CEP164: variants seen among roughly 807,000 people sequenced by gnomAD.
CEP164 encodes centrosomal protein of 164 kDa.
CEP164 carries 162 observed loss-of-function variants against 182.7 expected under a neutral mutation model. That is an observed-to-expected ratio of 0.89 (90% confidence interval 0.78 to 1.01). The LOEUF (loss-of-function observed/expected upper bound fraction) is 1.01. Among genes scored for constraint, CEP164 ranks in the 50% least tolerant of loss-of-function variants. CEP164 has a pLI of 0.00. For synonymous variants in CEP164, 661 were observed against 690.0 expected (o/e 0.96, Z 0.66); for missense variants, 1,735 against 1,790.4 (o/e 0.97, Z 0.56).
chr11:117,378,681 T>C (rs556309770), intron 11 of CEP164, among the ~76,000 whole-genome samples: 2 of 152,338 alleles, frequency 1.3e-5, no homozygotes, highest in South Asian at 2.1e-4. Flanking sequence ...CTGGATCCTT[T>C]GCTTCCTTTT....
Position 117,381,728 on chromosome 11 carries a change from G to C in CEP164, c.1437G>C (p.Glu479Asp). Reference protein sequence around the residue: ...ERLSPPLPHEERAQSPPRSLA... With the variant: ...ERLSPPLPHEDRAQSPPRSLA... ...TATCTCCTCCACTTCCACACGAGGA[G>C]CGGGCCCAGAGTCCCCCTCGCAGCC... The change falls in exon 13 of 33, where the codon GAG (glutamate) becomes GAC (aspartate). Residue 479 changes from glutamate to aspartate, a missense_variant. By Grantham distance (45) the Glu-to-Asp change is conservative (BLOSUM62 2). Transcript: ENST00000278935. The C allele has an allele frequency of 1.2e-6, 2 of 1,610,374 alleles. No homozygotes were observed. Among genetic ancestry groups the C allele is most frequent in the Non-Finnish European group, 1.7e-6 (2 of 1,178,590 alleles).
At chr11:117,348,297 G>T (rs1169283008) in intron 4 of CEP164, among the ~76,000 whole-genome samples, 1 of 151,968 alleles carries the variant, frequency 6.6e-6, no homozygotes, top group Non-Finnish European at 1.5e-5. Context: ...TTAAAAAATT[G>T]TCAATTAAAA....
intron 20 of CEP164, 125 bp downstream of exon 20, chr11:117,393,251 G>T: frequency 7.1e-7 from 1 of 1,414,916 alleles, no homozygotes; most frequent in Non-Finnish European, 9.3e-7. Flanking sequence ...TTCCCACCTG[G>T]CTGTGGGGCA....
chr11:117,390,917 G>T lies in CEP164; in HGVS notation c.2066+9G>T, dbSNP rs374648188. The T allele has an allele frequency of 6.2e-7, 1 of 1,613,766 alleles. No homozygotes were observed. The highest frequency in any genetic ancestry group is 1.3e-5 in the African/African-American group (1 of 74,874). On this transcript the variant is annotated intron_variant, in intron 16 of 32. Transcript: ENST00000278935. ...GATGAGGACCAAATCAGGTAAGTGTGTGCTTACCTGTGAGCTGCCCAGCCC... is the reference window on the plus strand; with the variant it reads ...GATGAGGACCAAATCAGGTAAGTGTTTGCTTACCTGTGAGCTGCCCAGCCC...
chr11:117,374,869 G>T (rs1466785356), intron 10 of CEP164, among the ~76,000 whole-genome samples: 1 of 152,210 alleles, frequency 6.6e-6, no homozygotes, highest in Non-Finnish European at 1.5e-5. Flanking sequence ...CAGGGCTGAT[G>T]TGACAGAACT....
At chr11:117,339,874 T>G (rs1002338272) in intron 3 of CEP164, among the ~76,000 whole-genome samples, 2 of 152,054 alleles carry the variant, frequency 1.3e-5, no homozygotes, top group Non-Finnish European at 2.9e-5. Context: ...ATGAGTTAGG[T>G]ACTATTATTA....
chr11:117,377,523 G>C (rs914997748), intron 11 of CEP164, among the ~76,000 whole-genome samples: 3 of 152,138 alleles, frequency 2.0e-5, no homozygotes, highest in African/African-American at 7.2e-5. Context: ...TGGAGGGGTC[G>C]AGATGGGGAG....
chr11:117,351,733 T>G (rs1382709510), intron 4 of CEP164, 57 bp from the exon 5 acceptor site: 1 of 1,507,370 alleles, frequency 6.6e-7, no homozygotes, highest in Non-Finnish European at 9.0e-7. Flanking sequence ...CCCCTCTTTT[T>G]TTTTTCTTCT....
chr11:117,392,931 T>A, intron 19 of CEP164, 73 bp from the exon 20 acceptor site: 1 of 1,597,092 alleles, frequency 6.3e-7, no homozygotes, highest in Non-Finnish European at 8.5e-7. Context: ...GTGTAAGACC[T>A]TCAGGTGCAG....
At chr11:117,356,254 C>T (rs917389604) in intron 5 of CEP164, 1 of 1,101,450 alleles carries the variant, frequency 9.1e-7, no homozygotes, top group Non-Finnish European at 1.1e-6. Context: ...TCTACCAGCA[C>T]ATCCTGCAGA....
At chr11:117,331,893 C>G (rs560449980) in intron 1 of CEP164, among the ~76,000 whole-genome samples, 1 of 151,708 alleles carries the variant, frequency 6.6e-6, no homozygotes, top group Non-Finnish European at 1.5e-5. Context: ...CTTTATGTAA[C>G]TCTGTCTTCC....
intron 5 of CEP164, among the ~76,000 whole-genome samples, 155 bp downstream of exon 5, chr11:117,352,143 G>A (rs1378308973): frequency 2.6e-5 from 4 of 151,880 alleles, no homozygotes; most frequent in Non-Finnish European, 5.9e-5. Flanking sequence ...CTGTCTTCTG[G>A]TTGATTTTTC....
chr11:117,382,494 C>T (rs866264606), intron 13 of CEP164, among the ~76,000 whole-genome samples: 1 of 152,194 alleles, frequency 6.6e-6, no homozygotes, highest in Non-Finnish European at 1.5e-5. Flanking sequence ...GAATGAGTCA[C>T]TAGGGAACCT....
upstream of CEP164, among the ~76,000 whole-genome samples, chr11:117,324,254 C>T (rs2035350955): frequency 6.6e-6 from 1 of 152,052 alleles, no homozygotes; most frequent in Non-Finnish European, 1.5e-5. Flanking sequence ...CAAGACCAGC[C>T]TGGCCAACAT....
intron 26 of CEP164, 152 bp from the exon 27 acceptor site, chr11:117,396,939 G>T (rs554165961): frequency 2.8e-6 from 2 of 717,144 alleles, no homozygotes; most frequent in East Asian, 5.4e-5. Context: ...TGTGGGTATT[G>T]AACAGTGGCA....
chr11:117,373,408 C>A (rs1272923370), intron 9 of CEP164, among the ~76,000 whole-genome samples: 1 of 151,816 alleles, frequency 6.6e-6, no homozygotes, highest in East Asian at 1.9e-4. Context: ...GAAAGATGTT[C>A]TCCTTCTGTT....
chr11:117,388,118 A>T (rs1294740658), intron 15 of CEP164, among the ~76,000 whole-genome samples: 1 of 152,190 alleles, frequency 6.6e-6, no homozygotes, highest in Non-Finnish European at 1.5e-5. Flanking sequence ...CCCAAGCAGG[A>T]TGTGACTCAC....
intron 5 of CEP164, among the ~76,000 whole-genome samples, chr11:117,354,022 C>CTTCTTCTTTT (rs1555101071): frequency 5.6e-5 from 8 of 142,166 alleles, no homozygotes; most frequent in African/African-American, 2.1e-4. Context: ...TCTTCTTCTT[C>CTTCTTCTTTT]TTTTTTTTTT....
chr11:117,356,759 A>G (rs1592130957), intron 5 of CEP164: 2 of 825,090 alleles, frequency 2.4e-6, no homozygotes, highest in East Asian at 9.9e-5. Flanking sequence ...TAACTACCCA[A>G]ATGGCCATTT....
Sources: gnomAD v4.1 joint callset for allele counts (sites outside exome capture counted in the v4.1 genomes callset) on GRCh38, gnomAD v4.1.1 for gene constraint, MANE v1.5 for transcripts, NCBI Gene and HGNC (gene_info 2026-07-23, HGNC 2026-07-21) for gene names.